Variants in COL4A2 observed in about 807,000 individuals in gnomAD.
COL4A2 encodes collagen alpha-2(IV) chain.
Under a neutral mutation model 200.2 loss-of-function variants are expected in COL4A2, and 99 were observed. The ratio of observed to expected loss-of-function variants is 0.49; its 90% CI spans 0.42 to 0.58. COL4A2 has a LOEUF of 0.58. Ranked by LOEUF, COL4A2 falls within the 20% of genes least tolerant of loss-of-function variation. COL4A2 has a pLI of 0.00. For synonymous variants in COL4A2, 897 were observed against 900.6 expected, an observed-to-expected ratio of 1.00 and a Z score of 0.07; for missense variants, 1,950 against 2,314.1, an observed-to-expected ratio of 0.84 and a Z score of 3.23.
At chr13:110,468,201 G>A (rs1034925368) in intron 27 of COL4A2, 3 of 471,220 alleles carry the variant, frequency 6.4e-6, no homozygotes, top group Non-Finnish European at 1.3e-5. Context: ...CACAGGGCCT[G>A]GGGAGCACAG....
At chr13:110,511,183 G>A (rs1029627127) in intron 47 of COL4A2, among the ~76,000 whole-genome samples, 16 of 150,240 alleles carry the variant, frequency 1.1e-4, no homozygotes, top group African/African-American at 3.2e-4. Context: ...CCTGCCGTGC[G>A]CTTCCATAAA....
intron 4 of COL4A2, among the ~76,000 whole-genome samples, chr13:110,365,210 C>G (rs765942517): frequency 2.6e-5 from 4 of 152,000 alleles, no homozygotes; most frequent in Non-Finnish European, 4.4e-5. Context: ...GGCGCCACCT[C>G]GGGTCACTGC....
rs745914600 is a variant in COL4A2, at chr13:110,462,348, T to A, written c.1740T>A (p.Asp580Glu). Residue 580 changes from aspartate (D) to glutamate (E), a missense_variant, in exon 24 of 48, where the codon GAT becomes GAA. Asp to Glu is a conservative substitution (Grantham distance 45). Around this residue, in one of 2 missense-constraint regions of COL4A2, gnomAD observed 1,385 missense variants for 1,720.5 expected, o/e 0.80. Coordinates refer to ENST00000360467, the MANE Select transcript of COL4A2 (RefSeq NM_001846.4). ...GTGACGATGGCAGCCCAGGCCGCGA[T>A]GGGCTCGATGGATTCCCCGGCCTCC... ...MKGDDGSPGR[D>E]GLDGFPGLPG... 2.0e-5 allele frequency: 32 copies of A among 1,613,836 alleles called. No individual in the cohort carries two copies. Among genetic ancestry groups the A allele is most frequent in the African/African-American group, 2.7e-5 (2 of 74,938 alleles).
intron 4 of COL4A2, among the ~76,000 whole-genome samples, chr13:110,393,301 A>G (rs1198266172): frequency 6.6e-6 from 1 of 152,204 alleles, no homozygotes; most frequent in Non-Finnish European, 1.5e-5. Flanking sequence ...CGCTGGCTCA[A>G]TTTCTTAATG....
At position 110,435,417 on chromosome 13, in the gene COL4A2, G is replaced by A. The variant is rs113135877; in HGVS notation, c.727-852G>A. On this transcript the variant is annotated intron_variant, in intron 12 of 47. Coordinates refer to ENST00000360467, the MANE Select transcript of COL4A2 (RefSeq NM_001846.4). The stretch of plus-strand genomic sequence containing the variant: ...AGTCTACAGTCTACAAAGGACTTAT[G>A]CAAATAATGAATAAAAAACATCAGG... Among the ~76,000 whole-genome samples, 498 of 152,320 alleles carry A rather than the reference G, an allele frequency of 3.3e-3. 1 individual carries two copies. Among genetic ancestry groups the A allele is most frequent in the African/African-American group, 0.011 (475 of 41,568 alleles).
intron 28 of COL4A2, among the ~76,000 whole-genome samples, chr13:110,471,737 C>T (rs373714805): frequency 5.6e-4 from 85 of 152,158 alleles, no homozygotes; most frequent in African/African-American, 1.9e-3. Context: ...AGGAGGTCCC[C>T]GGGCCCTGCT....
chr13:110,427,067 A>G (rs192532653), intron 6 of COL4A2, among the ~76,000 whole-genome samples: 7 of 152,318 alleles, frequency 4.6e-5, no homozygotes, highest in African/African-American at 1.7e-4. Flanking sequence ...TAAAAGTTCT[A>G]CTTTTTTATT....
At chr13:110,376,298 G>C (rs1022398235) in intron 4 of COL4A2, among the ~76,000 whole-genome samples, 1 of 152,188 alleles carries the variant, frequency 6.6e-6, no homozygotes, top group Non-Finnish European at 1.5e-5. Flanking sequence ...CAGAGCAACA[G>C]TCTGGAACTG....
rs9515194 is a variant in COL4A2, at chr13:110,356,328, C to G, written c.100-1144C>G. Among the ~76,000 whole-genome samples the G allele has an allele frequency of 2.8e-4, 42 of 152,030 alleles. 2 individuals are homozygous for G. The South Asian group carries it at 8.3e-3, about 30-fold the overall frequency. Reference sequence around the variant, plus strand: ...CTCCTTACTGAGCATAAGTGTGTCCCGTAGGGCGAAGGGGAAAGAAAGTGG... The same window carrying G: ...CTCCTTACTGAGCATAAGTGTGTCCGGTAGGGCGAAGGGGAAAGAAAGTGG... On this transcript the variant is annotated intron_variant, in intron 3 of 47. Coordinates refer to ENST00000360467, the MANE Select transcript of COL4A2 (RefSeq NM_001846.4).
chr13:110,409,461 C>T (rs997308440), intron 4 of COL4A2, among the ~76,000 whole-genome samples: 5 of 152,232 alleles, frequency 3.3e-5, no homozygotes, highest in Non-Finnish European at 5.9e-5. Flanking sequence ...GCGCTGCTGC[C>T]GCTACACCTT....
chr13:110,479,469 C>T (rs1320029034), intron 30 of COL4A2, among the ~76,000 whole-genome samples: 1 of 152,114 alleles, frequency 6.6e-6, no homozygotes, highest in African/African-American at 2.4e-5. Context: ...GGCAGAATTG[C>T]CCAGGGAACA....
chr13:110,352,305 C>A (rs1362848299), intron 3 of COL4A2, among the ~76,000 whole-genome samples: 1 of 152,248 alleles, frequency 6.6e-6, no homozygotes, highest in Non-Finnish European at 1.5e-5. Context: ...CCAGTCCTCT[C>A]TGTGAACAGG....
intron 14 of COL4A2, 84 bp downstream of exon 14, chr13:110,438,121 G>A (rs901394991): frequency 2.3e-5 from 26 of 1,134,146 alleles, no homozygotes; most frequent in East Asian, 4.7e-5. Flanking sequence ...TGCACCATGC[G>A]CTCGGGGCCC....
intron 19 of COL4A2, 98 bp downstream of exon 19, chr13:110,449,887 C>T (rs993887824): frequency 1.1e-5 from 15 of 1,338,354 alleles, no homozygotes; most frequent in East Asian, 5.0e-5. Context: ...GTAGCTATGT[C>T]GTTGTTACTT....
intron 4 of COL4A2, among the ~76,000 whole-genome samples, chr13:110,398,022 C>G (rs1358204287): frequency 6.6e-6 from 1 of 152,100 alleles, no homozygotes; most frequent in Non-Finnish European, 1.5e-5. Context: ...AAGATCAACT[C>G]TCCACACCAT....
chr13:110,435,587 C>G (rs1172887600), intron 12 of COL4A2, among the ~76,000 whole-genome samples: 5 of 152,174 alleles, frequency 3.3e-5, no homozygotes, highest in African/African-American at 1.2e-4. Context: ...TATGTGATAT[C>G]TGGGCTCAGA....
At chr13:110,310,119 A>G (rs911777171) in intron 3 of COL4A2, among the ~76,000 whole-genome samples, 3 of 152,244 alleles carry the variant, frequency 2.0e-5, no homozygotes, top group Non-Finnish European at 4.4e-5. Flanking sequence ...GCCCTAAGGC[A>G]GATAGGACAC....
At chr13:110,441,558 C>T (rs1251241624) in intron 16 of COL4A2, among the ~76,000 whole-genome samples, 1 of 152,090 alleles carries the variant, frequency 6.6e-6, no homozygotes, top group South Asian at 2.1e-4. Flanking sequence ...CTCCCAAAGG[C>T]GGCACACCTA....
intron 4 of COL4A2, among the ~76,000 whole-genome samples, chr13:110,375,485 G>A (rs577800729): frequency 2.6e-5 from 4 of 152,258 alleles, no homozygotes; most frequent in South Asian, 4.1e-4. Context: ...CTGCAAATAG[G>A]GCTCCCATTA....
Sources: gnomAD v4.1 joint callset for allele counts (sites outside exome capture counted in the v4.1 genomes callset) on GRCh38, gnomAD v4.1.1 for gene constraint, gnomAD v4.1.1 regional missense constraint, MANE v1.5 for transcripts, NCBI Gene and HGNC (gene_info 2026-07-23, HGNC 2026-07-21) for gene names.